Variants in GPR85 observed in about 807,000 individuals in gnomAD.
GPR85 encodes probable G protein-coupled receptor 85.
A neutral mutation model predicts 21.3 loss-of-function variants in GPR85; 7 were observed. That is an observed-to-expected ratio of 0.33 (90% CI 0.19 to 0.62). The LOEUF is 0.62. GPR85 is among the 20% of genes least tolerant of loss of function. The pLI is 0.80. For missense variants in GPR85, 299 were observed against 443.8 expected, an observed-to-expected ratio of 0.67 and a Z score of 2.93; for synonymous variants, 167 against 166.1, an observed-to-expected ratio of 1.01 and a Z score of -0.04.
At position 113,085,988 on chromosome 7, in the gene GPR85, A is replaced by C. The variant is rs1283236511; in HGVS notation, c.-171+4T>G. 1 of 152,620 alleles carries C rather than the reference A, an allele frequency of 6.6e-6. No homozygotes were observed. Among genetic ancestry groups the C allele is most frequent in the Non-Finnish European group, 1.5e-5 (1 of 68,078 alleles). The allele number at this position is 152,620 out of a possible 1,614,324, so 9.5% of individuals were successfully genotyped here. ...GGAGAGGGAGAGAGACATGCATTAC[A>C]TACGCGAAGATGGGGAGAGAGATTG... On this transcript the variant is annotated splice_donor_region_variant and intron_variant, in intron 2 of 2. Transcript: ENST00000424100.
chr7:113,083,587 C>T lies in GPR85; in HGVS notation c.*22G>A, dbSNP rs1226048367. Reference sequence around the variant, plus strand: ...GCAGAGAAGGTTAGTTTTCACAAGGCTAAAGATTTACAGATGCTCCCTCAT... The same window carrying T: ...GCAGAGAAGGTTAGTTTTCACAAGGTTAAAGATTTACAGATGCTCCCTCAT... On this transcript the variant is annotated 3_prime_UTR_variant, in exon 3 of 3. Coordinates refer to ENST00000424100, the MANE Select transcript of GPR85 (RefSeq NM_001146267.2). This position sits in a 1 kb window ranked among gnomAD's most constrained non-coding sequence, Gnocchi z 4.4. 1 of 1,591,228 alleles carries T rather than the reference C, an allele frequency of 6.3e-7. No homozygotes were observed. The highest frequency in any genetic ancestry group is 8.6e-7 in the Non-Finnish European group (1 of 1,168,762).
Position 113,083,852 on chromosome 7 carries a change from C to A in GPR85, c.870G>T (p.Met290Ile), listed in dbSNP as rs757339358. The part of the protein sequence containing the change: ...EKRISRMFYI[M>I]TFLFLTLWGP... ...CCCACAAGGTTAGAAACAGAAAAGTCATTATATAGAACATTCTGCTGATTC... is the reference window on the plus strand; with the variant it reads ...CCCACAAGGTTAGAAACAGAAAAGTAATTATATAGAACATTCTGCTGATTC... The change falls in exon 3 of 3, where the codon ATG becomes ATT. Residue 290 changes from methionine (M) to isoleucine (I), a missense_variant. Transcript: ENST00000424100. This position sits in a 1 kb window ranked among gnomAD's most constrained non-coding sequence, Gnocchi z 4.4. 6.2e-7 allele frequency: 1 copy of A among 1,614,066 alleles called. No individual in the cohort carries two copies. The highest frequency in any genetic ancestry group is 1.3e-5 in the African/African-American group (1 of 74,918).
At position 113,083,554 on chromosome 7, in the gene GPR85, A is replaced by T; in HGVS notation, c.*55T>A. 2 of 1,487,636 alleles carry T rather than the reference A, an allele frequency of 1.3e-6. No individual in the cohort carries two copies. Among genetic ancestry groups the T allele is most frequent in the Non-Finnish European group, 1.8e-6 (2 of 1,097,208 alleles). The allele number at this position is 1,487,636 out of a possible 1,614,324, so 92.2% of individuals were successfully genotyped here. On this transcript the variant is annotated 3_prime_UTR_variant, in exon 3 of 3. Coordinates refer to ENST00000424100, the MANE Select transcript of GPR85 (RefSeq NM_001146267.2). The surrounding 1 kb of genome is among the most constrained non-coding windows in gnomAD (Gnocchi z 4.4). ...TCTCAAAATATGGCTATGGGCCACAATTGCTCAGCAGAGAAGGTTAGTTTT... is the reference window on the plus strand; with the variant it reads ...TCTCAAAATATGGCTATGGGCCACATTTGCTCAGCAGAGAAGGTTAGTTTT...
Position 113,086,398 on chromosome 7 carries a change from T to TTTTTTTTTTTTTTTTTTC in GPR85, c.-366_-365insGAAAAAAAAAAAAAAAAA, listed in dbSNP as rs1794287261. ...GATTTTTTTCTTTTTTTCTTTTTCTTTTTTTTTTTTTTTTTTTTGTTTTTT... is the reference window on the plus strand; with the variant it reads ...GATTTTTTTCTTTTTTTCTTTTTCTTTTTTTTTTTTTTTTTTTCTTTTTTTTTTTTTTTTTTGTTTTTT... On this transcript the variant is annotated 5_prime_UTR_variant, in exon 1 of 3. Transcript: ENST00000424100. The TTTTTTTTTTTTTTTTTTC allele has an allele frequency of 8.1e-5, 2 of 24,812 alleles. No individual in the cohort carries two copies. Among genetic ancestry groups the TTTTTTTTTTTTTTTTTTC allele is most frequent in the African/African-American group, 1.5e-4 (1 of 6,710 alleles). 1.5% of individuals were successfully genotyped at this position (24,812 alleles called of 1,614,324 possible). A position where few individuals can be genotyped will look rare whatever the true frequency, so the allele number is the denominator to read the frequency against.
Position 113,084,468 on chromosome 7 carries a change from G to T in GPR85, c.254C>A (p.Ser85Tyr). 6.2e-7 allele frequency: 1 copy of T among 1,614,004 alleles called. No individual in the cohort carries two copies. The highest frequency in any genetic ancestry group is 8.5e-7 in the Non-Finnish European group (1 of 1,179,882). ...PFVFNSVKNG[S>Y]TWTYGTLTCK... ...AGTCAGAGTCCCATAAGTCCAGGTA[G>T]AACCATTTTTGACAGAGTTGAACAC... Residue 85 changes from serine to tyrosine, a missense_variant, in exon 3 of 3, where the codon TCT (serine) becomes TAT (tyrosine). By Grantham distance (144) the Ser-to-Tyr change is moderately radical. Around this residue, in one of 2 missense-constraint regions of GPR85, gnomAD observed 101 missense variants for 108.4 expected, o/e 0.93. Transcript: ENST00000424100.
chr7:113,084,864 TC>T lies in GPR85; in HGVS notation c.-144del, dbSNP rs1298923915. 4 of 520,122 alleles carry T rather than the reference TC, an allele frequency of 7.7e-6. No homozygotes were observed. The African/African-American group carries it at 8.0e-5, about 10-fold the overall frequency. The allele number at this position is 520,122 out of a possible 1,614,324, so 32.2% of individuals were successfully genotyped here. Reference sequence around the variant, plus strand: ...TGATCTGCAGTCATGCTTCCTCTTTTCTTCCACTTGTTTTGCCATCAGAATA... The same window carrying T: ...TGATCTGCAGTCATGCTTCCTCTTTTTTCCACTTGTTTTGCCATCAGAATA... On this transcript the variant is annotated 5_prime_UTR_variant, in exon 3 of 3. The change creates a premature stop within an existing upstream ORF in the 5' untranslated region. Coordinates refer to ENST00000424100, the MANE Select transcript of GPR85 (RefSeq NM_001146267.2).
Position 113,086,382 on chromosome 7 carries a change from C to CTTTTTCTTT in GPR85, c.-350_-349insAAAGAAAAA, listed in dbSNP as rs1794279743. The CTTTTTCTTT allele has an allele frequency of 3.1e-5, 1 of 32,130 alleles. No homozygotes were observed. Among genetic ancestry groups the CTTTTTCTTT allele is most frequent in the Non-Finnish European group, 6.7e-5 (1 of 14,998 alleles). 2.0% of individuals were successfully genotyped at this position (32,130 alleles called of 1,614,324 possible). On this transcript the variant is annotated 5_prime_UTR_variant, in exon 1 of 3. Transcript: ENST00000424100. ...CTTTCTATAAATTGCTGATTTTTTT[C>CTTTTTCTTT]TTTTTTTCTTTTTCTTTTTTTTTTT...
rs870266 is a variant in GPR85, at chr7:113,083,466, A to T, written c.*143T>A. ...TTTAAAATAGGATTATAGGTGAACT[A>T]TTGCAAAGACTGCAGAATGTTGCCC... On this transcript the variant is annotated 3_prime_UTR_variant, in exon 3 of 3. Transcript: ENST00000424100. This position sits in a 1 kb window ranked among gnomAD's most constrained non-coding sequence, Gnocchi z 4.4. The T allele has an allele frequency of 0.06, 44,708 of 744,784 alleles. 1,529 individuals carry two copies. The highest frequency in any genetic ancestry group is 0.088 in the Middle Eastern group (220 of 2,490). The allele number at this position is 744,784 out of a possible 1,614,324, so 46.1% of individuals were successfully genotyped here.
chr7:113,087,169 G>A (rs1246351640), upstream of GPR85, among the ~76,000 whole-genome samples: 3 of 152,164 alleles, frequency 2.0e-5, no homozygotes, highest in Non-Finnish European at 4.4e-5. Context: ...CGTAAAAGTA[G>A]GGAGAAAGCT....
rs150188365 is a variant in GPR85, at chr7:113,083,693, G to A, written c.1029C>T (p.Asn343=). The change falls in exon 3 of 3, where the codon AAC becomes AAT. Residue 343 remains asparagine, a synonymous_variant. Transcript: ENST00000424100. The surrounding 1 kb of genome is among the most constrained non-coding windows in gnomAD (Gnocchi z 4.4). ...GINPFVCIFS[N]RELRRCFSTT... ...TGCTGAAACAGCGCCTCAGCTCCCT[G>A]TTTGAGAAAATGCAGACAAAAGGAT... 9.7e-5 allele frequency: 157 copies of A among 1,614,168 alleles called. No homozygotes were observed. The African/African-American group carries it at 1.9e-3, about 20-fold the overall frequency.
At position 113,086,438 on chromosome 7, in the gene GPR85, T is replaced by TTTTTTTTTTTTTTTTTTTTTTTTTTTG; in HGVS notation, c.-406_-405insCAAAAAAAAAAAAAAAAAAAAAAAAAA. 8.2e-6 allele frequency: 1 copy of TTTTTTTTTTTTTTTTTTTTTTTTTTTG among 121,732 alleles called. No homozygotes were observed. Among genetic ancestry groups the TTTTTTTTTTTTTTTTTTTTTTTTTTTG allele is most frequent in the Non-Finnish European group, 1.7e-5 (1 of 57,760 alleles). The allele number at this position is 121,732 out of a possible 1,614,324, so 7.5% of individuals were successfully genotyped here. A position where few individuals can be genotyped will look rare whatever the true frequency, so the allele number is the denominator to read the frequency against. On this transcript the variant is annotated 5_prime_UTR_variant, in exon 1 of 3. Transcript: ENST00000424100. ...TTTTGTTTTTTGTTTTTTTTTTTTT[T>TTTTTTTTTTTTTTTTTTTTTTTTTTTG]TTTTTTGCCTTAGTGCCTTGACTGA...
At chr7:113,086,256 G>A (rs1584560022) in intron 1 of GPR85, 66 bp downstream of exon 1, 1 of 152,456 alleles carries the variant, frequency 6.6e-6, no homozygotes, top group Non-Finnish European at 1.4e-5. Flanking sequence ...CGGTGAACCT[G>A]CAGTTTCATC....
In GPR85 at chr7:113,082,600, C is replaced by T. The variant is rs995824057; in HGVS notation, c.*1009G>A. ...GAACAGTTTAGAAAGGGTAGCACAC[C>T]GTAGAAGAAAATCTCATTATTTCAG... On this transcript the variant is annotated 3_prime_UTR_variant, in exon 3 of 3. Coordinates refer to ENST00000424100, the MANE Select transcript of GPR85 (RefSeq NM_001146267.2). 3.3e-5 allele frequency: 5 copies of T among 152,126 alleles called. No individual in the cohort carries two copies. Among genetic ancestry groups the T allele is most frequent in the South Asian group, 2.1e-4 (1 of 4,790 alleles). The allele number at this position is 152,126 out of a possible 1,614,324, so 9.4% of individuals were successfully genotyped here.
rs771107132 is a variant in GPR85 at position 113,084,546 on chromosome 7, A to T, written c.176T>A (p.Leu59Gln). ...KTLHRAPYYF[L>Q]LDLCCSDILR... The stretch of plus-strand genomic sequence containing the variant: ...GATATCTGAACAGCAAAGATCCAAC[A>T]GGAAGTAGTAAGGTGCTCTATGCAA... The change falls in exon 3 of 3, where the codon CTG (leucine) becomes CAG (glutamine). Residue 59 changes from leucine to glutamine, a missense_variant. Coordinates refer to ENST00000424100, the MANE Select transcript of GPR85 (RefSeq NM_001146267.2). 26 of 1,613,008 alleles carry T rather than the reference A, an allele frequency of 1.6e-5. No homozygotes were observed. In the South Asian group the frequency reaches 2.4e-4, roughly 15 times the overall value.
rs1740494539 is a variant in GPR85 at position 113,082,405 on chromosome 7, A to G, written c.*1204T>C. ...ATAATATAAGCTTTCACAAGTTAAA[A>G]CTGAAATAATTTAAATTACCAATAC... On this transcript the variant is annotated 3_prime_UTR_variant, in exon 3 of 3. Coordinates refer to ENST00000424100, the MANE Select transcript of GPR85 (RefSeq NM_001146267.2). 6.6e-6 allele frequency: 1 copy of G among 152,640 alleles called. No individual in the cohort carries two copies. Among genetic ancestry groups the G allele is most frequent in the Non-Finnish European group, 1.5e-5 (1 of 68,030 alleles). The allele number at this position is 152,640 out of a possible 1,614,324, so 9.5% of individuals were successfully genotyped here. A position where few individuals can be genotyped will look rare whatever the true frequency, so the allele number is the denominator to read the frequency against.
At chr7:113,087,711 A>G (rs536299305), upstream of GPR85, 1 of 152,486 alleles carries the variant, frequency 6.6e-6, no homozygotes, top group African/African-American at 2.4e-5. Context: ...AAAAATAAAA[A>G]TCTTCTCTAC....
chr7:113,083,845 G>A lies in GPR85; in HGVS notation c.877C>T (p.Leu293=). 6.2e-7 allele frequency: 1 copy of A among 1,614,218 alleles called. No homozygotes were observed. Among genetic ancestry groups the A allele is most frequent in the Non-Finnish European group, 8.5e-7 (1 of 1,180,022 alleles). ...ISRMFYIMTF[L]FLTLWGPYLV... is the part of the protein sequence containing the mutation. ...TAGGGGCCCCACAAGGTTAGAAACA[G>A]AAAAGTCATTATATAGAACATTCTG... is the stretch of plus-strand genomic sequence containing the variant. The change falls in exon 3 of 3, where the codon CTG becomes TTG. Residue 293 remains leucine (L), a synonymous_variant. Transcript: ENST00000424100. This position sits in a 1 kb window ranked among gnomAD's most constrained non-coding sequence, Gnocchi z 4.4.
Position 113,083,482 on chromosome 7 carries a change from A to G in GPR85, c.*127T>C. 1.2e-6 allele frequency: 1 copy of G among 828,518 alleles called. No homozygotes were observed. Among genetic ancestry groups the G allele is most frequent in the Non-Finnish European group, 2.0e-6 (1 of 510,150 alleles). 51.3% of individuals were successfully genotyped at this position (828,518 alleles called of 1,614,324 possible). A position where few individuals can be genotyped will look rare whatever the true frequency, so the allele number is the denominator to read the frequency against. On this transcript the variant is annotated 3_prime_UTR_variant, in exon 3 of 3. Coordinates refer to ENST00000424100, the MANE Select transcript of GPR85 (RefSeq NM_001146267.2). This position sits in a 1 kb window ranked among gnomAD's most constrained non-coding sequence, Gnocchi z 4.4. ...AGGTGAACTATTGCAAAGACTGCAG[A>G]ATGTTGCCCAAATCCTTAAAACTGC...
rs1457729081 is a variant in GPR85, at chr7:113,086,789, A to G, written c.-756T>C. ...GCTGGAAAGGCCCTTTCAGGACCTCAGGCCCATCCTCTTCCCAAAGGCAGC... is the reference window on the plus strand; with the variant it reads ...GCTGGAAAGGCCCTTTCAGGACCTCGGGCCCATCCTCTTCCCAAAGGCAGC... On this transcript the variant is annotated 5_prime_UTR_variant, in exon 1 of 3. Coordinates refer to ENST00000424100, the MANE Select transcript of GPR85 (RefSeq NM_001146267.2). 1.3e-5 allele frequency among the ~76,000 whole-genome samples: 2 copies of G among 152,022 alleles called. No homozygotes were observed. The highest frequency in any genetic ancestry group is 1.3e-4 in the Admixed American group (2 of 15,262).
Sources: gnomAD v4.1 joint callset for allele counts (sites outside exome capture counted in the v4.1 genomes callset) on GRCh38, gnomAD v4.1.1 for gene constraint, gnomAD v4.1.1 regional missense constraint, Gnocchi (gnomAD v3.1) non-coding constraint, MANE v1.5 for transcripts, NCBI Gene and HGNC (gene_info 2026-07-23, HGNC 2026-07-21) for gene names.